PDPN: variants seen among roughly 807,000 people sequenced by gnomAD.
PDPN encodes the protein podoplanin, also known as PA2.26 antigen.
PDPN carries 12 observed loss-of-function variants against 23.2 expected under a neutral mutation model. That is an observed-to-expected ratio of 0.52 (90% CI 0.33 to 0.84). The LOEUF (loss-of-function observed/expected upper bound fraction) is 0.84, where lower values mean the gene tolerates loss of function less well. Among genes scored for constraint, PDPN ranks in the 40% least tolerant of loss-of-function variants. PDPN has a pLI of 0.02. For synonymous variants in PDPN, 77 were observed against 76.7 expected (o/e 1.00, Z -0.02); for missense variants, 199 against 212.2 (o/e 0.94, Z 0.39).
At chr1:13,610,949 C>T (rs781151636) in intron 3 of PDPN, among the ~76,000 whole-genome samples, 7 of 152,354 alleles carry the variant, frequency 4.6e-5, no homozygotes, top group South Asian at 4.1e-4. Flanking sequence ...CCGCCTGGCG[C>T]GGTGGCTCAC....
At chr1:13,598,766 C>T (rs1640561762) in intron 1 of PDPN, among the ~76,000 whole-genome samples, 1 of 152,120 alleles carries the variant, frequency 6.6e-6, no homozygotes, top group African/African-American at 2.4e-5. Context: ...TAGTTAGCAC[C>T]AGCTGTTCCC....
chr1:13,615,519 C>T (rs556600281), intron 5 of PDPN, among the ~76,000 whole-genome samples: 15 of 152,152 alleles, frequency 9.9e-5, no homozygotes, highest in African/African-American at 3.4e-4. Context: ...ATCTCCTGAC[C>T]TCGTGATCCA....
At position 13,607,453 on chromosome 1, in the gene PDPN, A is replaced by G. The variant is rs150087810; in HGVS notation, c.201+147A>G. ...ATACCAAGGAATAGTTACGTGGCTCAACAAAGAAGAATAAGTCCTCACTTA... is the reference window on the plus strand; with the variant it reads ...ATACCAAGGAATAGTTACGTGGCTCGACAAAGAAGAATAAGTCCTCACTTA... On this transcript the variant is annotated intron_variant, in intron 2 of 5. Transcript: ENST00000621990. The G allele has an allele frequency of 1.2e-3, 607 of 505,836 alleles. 5 individuals carry two copies. Among genetic ancestry groups the G allele is most frequent in the African/African-American group, 0.011 (552 of 50,476 alleles). 31.3% of individuals were successfully genotyped at this position (505,836 alleles called of 1,614,324 possible).
At chr1:13,585,557 A>G in intron 1 of PDPN, 1 of 1,352,012 alleles carries the variant, frequency 7.4e-7, no homozygotes. Context: ...CTGCTAAAGA[A>G]AAAGCTGCTG....
chr1:13,599,169 C>G (rs979531108), intron 1 of PDPN, among the ~76,000 whole-genome samples: 1 of 151,526 alleles, frequency 6.6e-6, no homozygotes, highest in Admixed American at 6.6e-5. Context: ...CACCACCACG[C>G]CTGGCTAATT....
At chr1:13,602,602 T>G (rs1207756475) in intron 1 of PDPN, among the ~76,000 whole-genome samples, 3 of 152,098 alleles carry the variant, frequency 2.0e-5, no homozygotes, top group Admixed American at 6.5e-5. Context: ...TTTTTTTGTC[T>G]CCCAGGCTGG....
chr1:13,595,988 A>G (rs574025615), intron 1 of PDPN: 60 of 597,240 alleles, frequency 1.0e-4, no homozygotes, highest in Admixed American at 9.0e-4. Flanking sequence ...ACCTGAGGTC[A>G]GGAGTTTGAG....
intron 1 of PDPN, among the ~76,000 whole-genome samples, chr1:13,597,836 A>C (rs975667671): frequency 6.6e-6 from 1 of 151,832 alleles, no homozygotes; most frequent in Admixed American, 6.6e-5. Flanking sequence ...TTAGCCAGGC[A>C]TGGTGGTACG....
intron 1 of PDPN, among the ~76,000 whole-genome samples, chr1:13,606,837 C>T (rs890968649): frequency 1.3e-5 from 2 of 152,164 alleles, no homozygotes; most frequent in African/African-American, 4.8e-5. Context: ...TATGAAATGA[C>T]ACCAGGAAGA....
intron 1 of PDPN, among the ~76,000 whole-genome samples, chr1:13,589,818 T>TATTGATTG (rs148888690): frequency 1.5e-5 from 2 of 133,382 alleles, no homozygotes; most frequent in African/African-American, 6.1e-5. Flanking sequence ...AAACCACTTG[T>TATTGATTG]ATTGATTGAT....
intron 1 of PDPN, among the ~76,000 whole-genome samples, chr1:13,591,754 GCA>G (rs1640349203): frequency 6.6e-6 from 1 of 152,210 alleles, no homozygotes; most frequent in African/African-American, 2.4e-5. Context: ...AATAGCAGTA[GCA>G]CAGTCATAGC....
In PDPN at chr1:13,616,877, G is replaced by A. The variant is rs191063526; in HGVS notation, c.*966G>A. Reference sequence around the variant, plus strand: ...TGTCCCCCATGCAGAAAGAAATCCTGTGTGAGCCTCTGGTATGAGAAATAA... The same window carrying A: ...TGTCCCCCATGCAGAAAGAAATCCTATGTGAGCCTCTGGTATGAGAAATAA... On this transcript the variant is annotated 3_prime_UTR_variant, in exon 6 of 6. Transcript: ENST00000621990. 1.3e-5 allele frequency: 2 copies of A among 152,220 alleles called. No homozygotes were observed. Among genetic ancestry groups the A allele is most frequent in the East Asian group, 1.9e-4 (1 of 5,202 alleles). 9.4% of individuals were successfully genotyped at this position (152,220 alleles called of 1,614,324 possible). A position where few individuals can be genotyped will look rare whatever the true frequency, so the allele number is the denominator to read the frequency against.
intron 1 of PDPN, among the ~76,000 whole-genome samples, chr1:13,593,020 G>T (rs935856106): frequency 3.3e-5 from 5 of 152,130 alleles, no homozygotes; most frequent in African/African-American, 1.2e-4. Context: ...ATGGAAGTAT[G>T]AGTCTACTTT....
rs1342428534 is a variant in PDPN at position 13,617,924 on chromosome 1, C to T, written c.*2013C>T. 6.6e-6 allele frequency: 1 copy of T among 152,136 alleles called. No individual in the cohort carries two copies. The highest frequency in any genetic ancestry group is 6.5e-5 in the Admixed American group (1 of 15,272). The allele number at this position is 152,136 out of a possible 1,614,324, so 9.4% of individuals were successfully genotyped here. A position where few individuals can be genotyped will look rare whatever the true frequency, so the allele number is the denominator to read the frequency against. On this transcript the variant is annotated 3_prime_UTR_variant, in exon 6 of 6. Transcript: ENST00000621990. ...GTGTTGGTGCTCAATGCAGTGTAGA[C>T]ATGTTTTCAAATAAAACAAATGATT...
At chr1:13,611,241 AAAACAAAC>A (rs145238874) in intron 3 of PDPN, among the ~76,000 whole-genome samples, 143 of 150,502 alleles carry the variant, frequency 9.5e-4, no homozygotes, top group Admixed American at 2.8e-3. Context: ...ACAAAACAAA[AAAACAAAC>A]AAACAAACAA....
rs779243954 is a variant in PDPN, at chr1:13,583,902, G to C, written c.-132G>C. ...GGCACCCTCCCTCTCCGGGGCTCCT[G>C]CTCCCACCCCTCCGGCCCCCCCACC... On this transcript the variant is annotated 5_prime_UTR_variant, in exon 1 of 6. Coordinates refer to ENST00000621990, the MANE Select transcript of PDPN (RefSeq NM_006474.5). 1.4e-5 allele frequency: 23 copies of C among 1,611,764 alleles called. No individual in the cohort carries two copies. The highest frequency in any genetic ancestry group is 1.9e-5 in the Non-Finnish European group (22 of 1,178,868).
rs1020839150 is a variant in PDPN, at chr1:13,584,395, G to A, written c.67+295G>A. The A allele has an allele frequency of 2.4e-6, 3 of 1,275,202 alleles. No homozygotes were observed. In the African/African-American group the frequency reaches 4.5e-5, roughly 19 times the overall value. The allele number at this position is 1,275,202 out of a possible 1,614,324, so 79.0% of individuals were successfully genotyped here. A position where few individuals can be genotyped will look rare whatever the true frequency, so the allele number is the denominator to read the frequency against. ...GTCGGCAGCACCAGAGAGATCGGGT[G>A]GAAGGTTCACAGTAGGCAGCCCCGC... On this transcript the variant is annotated intron_variant, in intron 1 of 5. Transcript: ENST00000621990.
chr1:13,607,138 C>G (rs1258067333), intron 1 of PDPN, 35 bp from the exon 2 acceptor site: 1 of 1,597,066 alleles, frequency 6.3e-7, no homozygotes, highest in Non-Finnish European at 8.5e-7. Flanking sequence ...TATGCAATTT[C>G]CACCTTAAGC....
At chr1:13,611,053 C>T (rs1406025240) in intron 3 of PDPN, among the ~76,000 whole-genome samples, 1 of 152,066 alleles carries the variant, frequency 6.6e-6, no homozygotes, top group Non-Finnish European at 1.5e-5. Flanking sequence ...AACCCCGTCT[C>T]TACTGAAAAT....
Sources: allele counts gnomAD v4.1 joint callset (sites outside exome capture counted in the v4.1 genomes callset), GRCh38; gene constraint gnomAD v4.1.1; transcripts MANE v1.5; gene names NCBI Gene and HGNC (gene_info 2026-07-23, HGNC 2026-07-21).